Variants in CNTN5 observed in about 807,000 individuals in gnomAD.
The protein encoded by CNTN5 is contactin 5.
Under a neutral mutation model 129.1 loss-of-function variants are expected in CNTN5, and 77 were observed. The ratio of observed to expected loss-of-function variants is 0.60; its 90% confidence interval spans 0.50 to 0.72. CNTN5 has a LOEUF of 0.72. CNTN5 is among the 30% of genes least tolerant of loss of function. The pLI, the probability that CNTN5 is intolerant of heterozygous loss-of-function variation, is 0.00. For synonymous variants in CNTN5, 509 were observed against 465.6 expected, an observed-to-expected ratio of 1.09 and a Z score of -1.20; for missense variants, 1,478 against 1,328.8, an observed-to-expected ratio of 1.11 and a Z score of -1.75.
intron 3 of CNTN5, among the ~76,000 whole-genome samples, chr11:99,655,265 A>G (rs1325165342): frequency 6.6e-6 from 1 of 152,134 alleles, no homozygotes; most frequent in Non-Finnish European, 1.5e-5. Context: ...AATCCTATCT[A>G]TAGGAACAAT....
intron 1 of CNTN5, among the ~76,000 whole-genome samples, chr11:99,212,094 C>A (rs993257091): frequency 6.6e-6 from 1 of 152,114 alleles, no homozygotes; most frequent in Non-Finnish European, 1.5e-5. Context: ...TTTAATAAGG[C>A]ATTTGTTTTC....
chr11:99,057,586 A>C (rs1295763568), intron 1 of CNTN5, among the ~76,000 whole-genome samples: 1 of 152,078 alleles, frequency 6.6e-6, no homozygotes, highest in African/African-American at 2.4e-5. Flanking sequence ...CATGATTTTA[A>C]AGTAAAACTT....
At chr11:99,141,604 T>C (rs1859519792) in intron 1 of CNTN5, among the ~76,000 whole-genome samples, 1 of 152,178 alleles carries the variant, frequency 6.6e-6, no homozygotes, top group Non-Finnish European at 1.5e-5. Context: ...GGTGTTAATT[T>C]GAGATCTTTA....
At chr11:99,565,911 C>T (rs1201972127) in intron 3 of CNTN5, among the ~76,000 whole-genome samples, 17 of 152,262 alleles carry the variant, frequency 1.1e-4, no homozygotes, top group Non-Finnish European at 1.3e-4. Flanking sequence ...GTATGACATC[C>T]GTTTAGGTCA....
At chr11:100,049,464 T>C (rs1484661592) in intron 9 of CNTN5, among the ~76,000 whole-genome samples, 1 of 151,902 alleles carries the variant, frequency 6.6e-6, no homozygotes, top group Non-Finnish European at 1.5e-5. Context: ...ATATGAAAAC[T>C]GATGGGATAG....
intron 3 of CNTN5, among the ~76,000 whole-genome samples, chr11:99,595,216 G>A (rs1375535472): frequency 6.6e-6 from 1 of 152,106 alleles, no homozygotes; most frequent in East Asian, 1.9e-4. Context: ...TTTAAATGTT[G>A]CCACTACAAA....
chr11:100,152,573 C>CATTG (rs1195678585), intron 13 of CNTN5, among the ~76,000 whole-genome samples: 15 of 152,190 alleles, frequency 9.9e-5, no homozygotes, highest in East Asian at 5.8e-4. Context: ...AATATATATT[C>CATTG]ATTGATTGAT....
chr11:99,910,001 T>A (rs1280051698), intron 6 of CNTN5, among the ~76,000 whole-genome samples: 1 of 152,078 alleles, frequency 6.6e-6, no homozygotes, highest in African/African-American at 2.4e-5. Context: ...TCATGTGGTG[T>A]AATAGGAAAG....
At chr11:99,328,003 G>A (rs974410236) in intron 2 of CNTN5, among the ~76,000 whole-genome samples, 1 of 152,110 alleles carries the variant, frequency 6.6e-6, no homozygotes, top group African/African-American at 2.4e-5. Flanking sequence ...AATTCATGAA[G>A]GGAAACCTCT....
rs563610076 is a variant in CNTN5 at position 100,212,115 on chromosome 11, C to T, written c.1885-12577C>T. On this transcript the variant is annotated intron_variant, in intron 15 of 24. Coordinates refer to ENST00000524871, the MANE Select transcript of CNTN5 (RefSeq NM_014361.4). ...CCTACTGTAGTCCTGGGCAGATTTA[C>T]ATATGAATGGGAATATTTTTATAAT... Among the ~76,000 whole-genome samples the T allele has an allele frequency of 6.2e-4, 94 of 152,234 alleles. 1 individual carries two copies. The highest frequency in any genetic ancestry group is 1.2e-3 in the Non-Finnish European group (80 of 67,986).
At chr11:99,676,751 C>T (rs1384576458) in intron 3 of CNTN5, among the ~76,000 whole-genome samples, 2 of 152,074 alleles carry the variant, frequency 1.3e-5, no homozygotes, top group African/African-American at 4.8e-5. Context: ...AGTTCTTTAA[C>T]TTGCCACTGT....
At chr11:99,962,428 A>T (rs542741581) in intron 8 of CNTN5, among the ~76,000 whole-genome samples, 1 of 151,626 alleles carries the variant, frequency 6.6e-6, no homozygotes, top group South Asian at 2.1e-4. Flanking sequence ...TGTCCTTGCG[A>T]TAGTTTGCTG....
intron 1 of CNTN5, among the ~76,000 whole-genome samples, chr11:99,262,941 G>A (rs187260029): frequency 5.3e-5 from 8 of 152,028 alleles, no homozygotes; most frequent in African/African-American, 1.9e-4. Flanking sequence ...GATGAAGGCT[G>A]GATGGGTTTG....
intron 3 of CNTN5, among the ~76,000 whole-genome samples, chr11:99,635,296 A>G (rs886750758): frequency 6.6e-6 from 1 of 152,138 alleles, no homozygotes; most frequent in Non-Finnish European, 1.5e-5. Flanking sequence ...TGGAAATCTC[A>G]GTTTAGCTAT....
intron 7 of CNTN5, among the ~76,000 whole-genome samples, chr11:99,939,380 AAAT>A (rs1344992945): frequency 3.3e-5 from 5 of 152,114 alleles, no homozygotes; most frequent in African/African-American, 1.2e-4. Flanking sequence ...AAACGTGAAA[AAAT>A]AAAATTAACC....
intron 1 of CNTN5, among the ~76,000 whole-genome samples, chr11:99,227,202 T>C (rs1473194465): frequency 3.3e-5 from 5 of 151,582 alleles, no homozygotes; most frequent in Admixed American, 3.3e-4. Flanking sequence ...GTACTAAAAA[T>C]ACAAAAAATT....
At chr11:99,467,981 AC>A (rs2135262847) in intron 2 of CNTN5, among the ~76,000 whole-genome samples, 1 of 152,188 alleles carries the variant, frequency 6.6e-6, no homozygotes, top group African/African-American at 2.4e-5. Context: ...GATCATATTT[AC>A]CCCTTGAGTC....
At chr11:99,368,431 C>T (rs539112090) in intron 2 of CNTN5, among the ~76,000 whole-genome samples, 74 of 151,154 alleles carry the variant, frequency 4.9e-4, no homozygotes, top group African/African-American at 1.4e-3. Context: ...CACTTGAGCC[C>T]GGGAGTTTGA....
chr11:99,817,708 A>G (rs1043200209), intron 3 of CNTN5, among the ~76,000 whole-genome samples: 1 of 151,534 alleles, frequency 6.6e-6, no homozygotes, highest in African/African-American at 2.4e-5. Context: ...ACAACTACAA[A>G]CTACCTTAAA....
Sources: gnomAD v4.1 joint callset for allele counts (sites outside exome capture counted in the v4.1 genomes callset) on GRCh38, gnomAD v4.1.1 for gene constraint, MANE v1.5 for transcripts, NCBI Gene and HGNC (gene_info 2026-07-23, HGNC 2026-07-21) for gene names.